KCNH7: variants seen among roughly 807,000 people sequenced by gnomAD.
KCNH7 encodes the protein voltage-gated inwardly rectifying potassium channel KCNH7.
A neutral mutation model predicts 120.8 loss-of-function variants in KCNH7; 49 were observed. The ratio of observed to expected loss-of-function variants is 0.41; its 90% confidence interval spans 0.32 to 0.51. The LOEUF is 0.51. Ranked by LOEUF, KCNH7 falls within the 20% of genes least tolerant of loss-of-function variation. KCNH7 has a pLI of 0.38. For synonymous variants in KCNH7, 547 were observed against 516.1 expected, an observed-to-expected ratio of 1.06 and a Z score of -0.81; for missense variants, 1,097 against 1,446.6, an observed-to-expected ratio of 0.76 and a Z score of 3.92.
Position 162,533,406 on chromosome 2 carries a change from C to T in KCNH7, c.463+3519G>A, listed in dbSNP as rs182726931. ...TTATAAGCAATAAAGAAAAGCTTCA[C>T]ATTGCATAAAAACAGCACACTGTAT... On this transcript the variant is annotated intron_variant, in intron 3 of 15. Coordinates refer to ENST00000332142, the MANE Select transcript of KCNH7 (RefSeq NM_033272.4). Among the ~76,000 whole-genome samples the T allele has an allele frequency of 3.0e-4, 46 of 151,664 alleles. 1 individual carries two copies. The highest frequency in any genetic ancestry group is 1.1e-3 in the African/African-American group (44 of 41,458).
At chr2:162,460,683 C>T (rs1689118066) in intron 6 of KCNH7, among the ~76,000 whole-genome samples, 2 of 152,176 alleles carry the variant, frequency 1.3e-5, no homozygotes, top group Admixed American at 6.5e-5. Flanking sequence ...GCTCTGCTGA[C>T]ACCTTGACCT....
chr2:162,805,414 T>A (rs1002494757), intron 2 of KCNH7, among the ~76,000 whole-genome samples: 7 of 151,728 alleles, frequency 4.6e-5, no homozygotes, highest in Non-Finnish European at 7.4e-5. Flanking sequence ...CATCAAAAAG[T>A]GAGCAAAGGA....
At chr2:162,542,513 T>C (rs1692344923) in intron 2 of KCNH7, among the ~76,000 whole-genome samples, 1 of 150,780 alleles carries the variant, frequency 6.6e-6, no homozygotes, top group Non-Finnish European at 1.5e-5. Flanking sequence ...TGGCTTTTTG[T>C]CCTTGCGATA....
chr2:162,789,593 A>G (rs1227832366), intron 2 of KCNH7, among the ~76,000 whole-genome samples: 1 of 152,040 alleles, frequency 6.6e-6, no homozygotes, highest in African/African-American at 2.4e-5. Flanking sequence ...GTTATCCAGG[A>G]TCATAGATTA....
At chr2:162,741,145 T>A (rs1688111649) in intron 2 of KCNH7, among the ~76,000 whole-genome samples, 1 of 151,866 alleles carries the variant, frequency 6.6e-6, no homozygotes, top group African/African-American at 2.4e-5. Context: ...TAGTTTCATG[T>A]CATGGCATAG....
chr2:162,727,719 T>C (rs757329782), intron 2 of KCNH7, among the ~76,000 whole-genome samples: 1 of 152,206 alleles, frequency 6.6e-6, no homozygotes, highest in African/African-American at 2.4e-5. Flanking sequence ...TTTGTTTACA[T>C]ACTTTCTTGT....
intron 2 of KCNH7, among the ~76,000 whole-genome samples, chr2:162,577,056 T>C (rs1194482825): frequency 6.6e-6 from 1 of 151,812 alleles, no homozygotes; most frequent in African/African-American, 2.4e-5. Context: ...GCTGGGACTA[T>C]AGGTGCACAC....
chr2:162,827,715 C>A lies in KCNH7; in HGVS notation c.307+8822G>T, dbSNP rs557778903. Among the ~76,000 whole-genome samples, 27 of 152,214 alleles carry A rather than the reference C, an allele frequency of 1.8e-4. No homozygotes were observed. In the South Asian group the frequency reaches 3.9e-3, roughly 22 times the overall value. ...GTTTAAGAGGTGTATCATTTGGAGGCAATGTGGTAGAGTTTGCAAGTATAG... is the reference window on the plus strand; with the variant it reads ...GTTTAAGAGGTGTATCATTTGGAGGAAATGTGGTAGAGTTTGCAAGTATAG... On this transcript the variant is annotated intron_variant, in intron 2 of 15. Transcript: ENST00000332142.
Position 162,512,690 on chromosome 2 carries a change from A to T in KCNH7, c.893-16T>A. ...CGACCATTGTCTGTTTTGAGCACATAAGGATAAAAAAAGAGAAATATAAAA... is the reference window on the plus strand; with the variant it reads ...CGACCATTGTCTGTTTTGAGCACATTAGGATAAAAAAAGAGAAATATAAAA... On this transcript the variant is annotated splice_polypyrimidine_tract_variant and intron_variant, in intron 4 of 15. Coordinates refer to ENST00000332142, the MANE Select transcript of KCNH7 (RefSeq NM_033272.4). 6.2e-7 allele frequency: 1 copy of T among 1,600,878 alleles called. No homozygotes were observed. The highest frequency in any genetic ancestry group is 1.7e-5 in the Admixed American group (1 of 59,410).
rs75905423 is a variant in KCNH7 at position 162,554,202 on chromosome 2, T to C, written c.308-17122A>G. On this transcript the variant is annotated intron_variant, in intron 2 of 15. Coordinates refer to ENST00000332142, the MANE Select transcript of KCNH7 (RefSeq NM_033272.4). The stretch of plus-strand genomic sequence containing the variant: ...GGTGAGAAACTGTGAATTACTTGTT[T>C]GGTAAAATCAAGACAACATATTGGG... Among the ~76,000 whole-genome samples the C allele has an allele frequency of 3.7e-3, 560 of 152,342 alleles. 23 individuals are homozygous for C. The East Asian group carries it at 0.096, about 26-fold the overall frequency.
At chr2:162,588,628 AT>A (rs1283156279) in intron 2 of KCNH7, among the ~76,000 whole-genome samples, 1 of 152,116 alleles carries the variant, frequency 6.6e-6, no homozygotes, top group Non-Finnish European at 1.5e-5. Context: ...ATAATTGTAC[AT>A]ATTTATGGGG....
At chr2:162,419,681 T>C (rs1287114187) in intron 9 of KCNH7, among the ~76,000 whole-genome samples, 1 of 152,174 alleles carries the variant, frequency 6.6e-6, no homozygotes, top group African/African-American at 2.4e-5. Flanking sequence ...GCAATTATAA[T>C]ATGAAATTTA....
At chr2:162,499,338 T>G (rs935075971) in intron 6 of KCNH7, among the ~76,000 whole-genome samples, 1 of 152,114 alleles carries the variant, frequency 6.6e-6, no homozygotes, top group African/African-American at 2.4e-5. Context: ...CAAATTTTCT[T>G]ACAATTCATT....
chr2:162,533,521 C>G (rs1692004137), intron 3 of KCNH7, among the ~76,000 whole-genome samples: 1 of 151,568 alleles, frequency 6.6e-6, no homozygotes. Context: ...ACTCAAGTGT[C>G]ATGATTTAAG....
intron 7 of KCNH7, among the ~76,000 whole-genome samples, chr2:162,443,668 G>C (rs1381018440): frequency 6.6e-6 from 1 of 152,130 alleles, no homozygotes. Flanking sequence ...CATGTGGTCT[G>C]AACTAGTTCC....
At chr2:162,565,596 A>G (rs962552791) in intron 2 of KCNH7, among the ~76,000 whole-genome samples, 23 of 152,218 alleles carry the variant, frequency 1.5e-4, no homozygotes, top group African/African-American at 4.6e-4. Context: ...CACTTGTTGA[A>G]TGGTGCTTAG....
chr2:162,637,315 C>T (rs1683995463), intron 2 of KCNH7, among the ~76,000 whole-genome samples: 2 of 152,068 alleles, frequency 1.3e-5, no homozygotes, highest in African/African-American at 4.8e-5. Context: ...CCCCTTGCAA[C>T]TTTCCATGTA....
At chr2:162,821,569 C>T (rs1217938753) in intron 2 of KCNH7, among the ~76,000 whole-genome samples, 1 of 152,144 alleles carries the variant, frequency 6.6e-6, no homozygotes, top group African/African-American at 2.4e-5. Flanking sequence ...TGAAAAATGT[C>T]AGATATAGTT....
chr2:162,595,431 A>C (rs1306010235), intron 2 of KCNH7, among the ~76,000 whole-genome samples: 1 of 152,046 alleles, frequency 6.6e-6, no homozygotes, highest in Non-Finnish European at 1.5e-5. Flanking sequence ...AACCATATCA[A>C]TATGATTCAT....
Sources: allele counts gnomAD v4.1 joint callset (sites outside exome capture counted in the v4.1 genomes callset), GRCh38; gene constraint gnomAD v4.1.1; transcripts MANE v1.5; gene names NCBI Gene and HGNC (gene_info 2026-07-23, HGNC 2026-07-21).